Variants in DPYD observed in about 807,000 individuals in gnomAD.
DPYD encodes the protein dihydropyrimidine dehydrogenase.
Under a neutral mutation model 116.2 loss-of-function variants are expected in DPYD, and 109 were observed. That is an observed-to-expected ratio of 0.94 (90% CI 0.80 to 1.10). The LOEUF (loss-of-function observed/expected upper bound fraction) is 1.10. DPYD is among the 50% of genes least tolerant of loss of function. DPYD has a pLI of 0.00. For missense variants in DPYD, 1,302 were observed against 1,254.5 expected (o/e 1.04, Z -0.57); for synonymous variants, 440 against 432.0 (o/e 1.02, Z -0.23).
chr1:97,176,331 C>G (rs1657255789), intron 20 of DPYD, among the ~76,000 whole-genome samples: 1 of 152,172 alleles, frequency 6.6e-6, no homozygotes, highest in African/African-American at 2.4e-5. Flanking sequence ...CATGAAATCT[C>G]TGGCTTGCTC....
chr1:97,692,248 C>T (rs1221158556), intron 6 of DPYD, among the ~76,000 whole-genome samples: 7 of 151,780 alleles, frequency 4.6e-5, no homozygotes, highest in South Asian at 2.1e-4. Flanking sequence ...TATAAATGTA[C>T]TTCTAGCTTG....
At chr1:97,449,044 C>T (rs1676249873) in intron 14 of DPYD, among the ~76,000 whole-genome samples, 1 of 151,792 alleles carries the variant, frequency 6.6e-6, no homozygotes, top group Non-Finnish European at 1.5e-5. Flanking sequence ...ATAATTAGAG[C>T]TGTCTAAAAC....
At chr1:97,363,892 T>A (rs1670882548) in intron 16 of DPYD, among the ~76,000 whole-genome samples, 1 of 152,194 alleles carries the variant, frequency 6.6e-6, no homozygotes, top group Non-Finnish European at 1.5e-5. Context: ...ATGGCACATG[T>A]ATACCTACGT....
intron 11 of DPYD, 55 bp downstream of exon 11, chr1:97,573,705 A>G (rs369708895): frequency 6.3e-7 from 1 of 1,599,302 alleles, no homozygotes; most frequent in Non-Finnish European, 8.6e-7. Context: ...AGAAACTATT[A>G]CAGCACTAAA....
chr1:97,306,750 C>G (rs187567010), intron 16 of DPYD, among the ~76,000 whole-genome samples: 3 of 152,014 alleles, frequency 2.0e-5, no homozygotes, highest in Admixed American at 1.3e-4. Flanking sequence ...CATTATTAGA[C>G]TTAGTCTTGA....
At chr1:97,868,711 G>A (rs891385597) in intron 2 of DPYD, among the ~76,000 whole-genome samples, 22 of 151,804 alleles carry the variant, frequency 1.4e-4, no homozygotes, top group East Asian at 3.9e-4. Context: ...ATGTAGAGAC[G>A]ATTTCAGTTT....
At chr1:97,298,085 T>C (rs1038014251) in intron 18 of DPYD, among the ~76,000 whole-genome samples, 5 of 152,194 alleles carry the variant, frequency 3.3e-5, no homozygotes, top group Admixed American at 6.6e-5. Context: ...CAGAGATTCT[T>C]ATTTATTTAT....
At chr1:97,308,750 C>A (rs1003384877) in intron 16 of DPYD, among the ~76,000 whole-genome samples, 8 of 151,708 alleles carry the variant, frequency 5.3e-5, no homozygotes, top group African/African-American at 1.9e-4. Context: ...ATGGCTTTGC[C>A]TTTTGTAACA....
At chr1:97,484,171 G>A (rs981999312) in intron 13 of DPYD, among the ~76,000 whole-genome samples, 28 of 152,256 alleles carry the variant, frequency 1.8e-4, no homozygotes, top group East Asian at 3.9e-4. Flanking sequence ...TGGGTGTGGC[G>A]GCTTGTGCCA....
rs1182593368 is a variant in DPYD, at chr1:97,883,337, G to A, written c.77C>T (p.Ala26Val). Residue 26 changes from alanine to valine, a missense_variant, in exon 2 of 23, where the codon GCA becomes GTA. Physicochemically the swap from Ala to Val is moderately conservative, Grantham distance 64 (BLOSUM62 0). Coordinates refer to ENST00000370192, the MANE Select transcript of DPYD (RefSeq NM_000110.4). ...CTTGGCCGAAGTGGAACACAGAGTT[G>A]CATGAGTTTGTGTTCGAGGATTTAA... ...LALNPRTQTH[A>V]TLCSTSAKKL... The A allele has an allele frequency of 6.2e-7, 1 of 1,612,366 alleles. No individual in the cohort carries two copies. Among genetic ancestry groups the A allele is most frequent in the Non-Finnish European group, 8.5e-7 (1 of 1,178,840 alleles).
At chr1:97,395,450 C>A (rs1028417092) in intron 14 of DPYD, among the ~76,000 whole-genome samples, 1 of 151,954 alleles carries the variant, frequency 6.6e-6, no homozygotes, top group African/African-American at 2.4e-5. Flanking sequence ...AATTACTTTA[C>A]CAGGGTCAAG....
intron 18 of DPYD, among the ~76,000 whole-genome samples, chr1:97,283,660 T>TC (rs1175344964): frequency 6.6e-6 from 1 of 152,184 alleles, no homozygotes; most frequent in Non-Finnish European, 1.5e-5. Context: ...CTATGAGTCT[T>TC]CTACTATAAG....
rs780025995 is a variant in DPYD, at chr1:97,691,769, G to C, written c.710C>G (p.Pro237Arg). The C allele has an allele frequency of 6.2e-7, 1 of 1,613,266 alleles. No individual in the cohort carries two copies. Among genetic ancestry groups the C allele is most frequent in the Non-Finnish European group, 8.5e-7 (1 of 1,179,748 alleles). The change falls in exon 7 of 23, where the codon CCG becomes CGG. Residue 237 changes from proline (P) to arginine (R), a missense_variant. Transcript: ENST00000370192. ...STSEIPQFRL[P>R]YDVVNFEIEL... ...AATCTCAAAATTCACTACATCATAC[G>C]GCAGCCGGAACTGAGGAATTTCAGA... is the stretch of plus-strand genomic sequence containing the variant.
At chr1:97,163,695 T>C (rs554056023) in intron 20 of DPYD, among the ~76,000 whole-genome samples, 1 of 152,274 alleles carries the variant, frequency 6.6e-6, no homozygotes, top group South Asian at 2.1e-4. Context: ...CAAGAAAGTG[T>C]TCCCTTCACC....
At chr1:97,536,016 T>C (rs1649966282) in intron 12 of DPYD, among the ~76,000 whole-genome samples, 1 of 152,236 alleles carries the variant, frequency 6.6e-6, no homozygotes, top group Non-Finnish European at 1.5e-5. Context: ...TATGTTTATT[T>C]ATAAGCAACT....
At position 97,515,765 on chromosome 1, in the gene DPYD, T is replaced by C. The variant is rs148372305; in HGVS notation, c.1701A>G (p.Gly567=). The change falls in exon 13 of 23, where the codon GGA becomes GGG. Residue 567 remains glycine (G), a synonymous_variant. Coordinates refer to ENST00000370192, the MANE Select transcript of DPYD (RefSeq NM_000110.4). ...TSMIRRAFEA[G]WGFALTKTFS... The stretch of plus-strand genomic sequence containing the variant: ...AAGTTTTGGTGAGGGCAAAACCCCA[T>C]CCAGCTTCAAAAGCTCTTCGAATCA... 1.2e-6 allele frequency: 2 copies of C among 1,612,830 alleles called. No homozygotes were observed. The highest frequency in any genetic ancestry group is 1.7e-4 in the Middle Eastern group (1 of 6,050).
intron 10 of DPYD, among the ~76,000 whole-genome samples, chr1:97,582,680 T>C (rs935904454): frequency 1.3e-5 from 2 of 152,234 alleles, no homozygotes; most frequent in Non-Finnish European, 2.9e-5. Context: ...CTTCTTTTAG[T>C]ACCTGGTATG....
At chr1:97,214,864 T>A (rs1660270111) in intron 19 of DPYD, among the ~76,000 whole-genome samples, 1 of 152,200 alleles carries the variant, frequency 6.6e-6, no homozygotes, top group Admixed American at 6.5e-5. Flanking sequence ...CTCATTTCCA[T>A]CTTCTTTTAC....
At chr1:97,333,834 A>G (rs917098212) in intron 16 of DPYD, among the ~76,000 whole-genome samples, 1 of 152,044 alleles carries the variant, frequency 6.6e-6, no homozygotes, top group Non-Finnish European at 1.5e-5. Flanking sequence ...TTTTAAGTAC[A>G]GTTTTTGAAA....
Sources: allele counts gnomAD v4.1 joint callset (sites outside exome capture counted in the v4.1 genomes callset), GRCh38; gene constraint gnomAD v4.1.1; transcripts MANE v1.5; gene names NCBI Gene and HGNC (gene_info 2026-07-23, HGNC 2026-07-21).